Variants in TDRD7 observed in about 807,000 individuals in gnomAD.
TDRD7 encodes the protein tudor domain-containing protein 7.
Under a neutral mutation model 109.8 loss-of-function variants are expected in TDRD7, and 47 were observed. The observed-to-expected ratio is 0.43, with a 90% CI of 0.34 to 0.55. TDRD7 has a LOEUF of 0.55. TDRD7 is among the 20% of genes least tolerant of loss of function. The probability of loss-of-function intolerance (pLI) is 0.03; values close to 1 mark genes in which losing one functional copy is unlikely to be tolerated. For synonymous variants in TDRD7, 424 were observed against 457.3 expected (o/e 0.93, Z 0.93); for missense variants, 1,164 against 1,319.2 (o/e 0.88, Z 1.82).
chr9:97,494,632 C>A (rs541205425), intron 16 of TDRD7, among the ~76,000 whole-genome samples: 1 of 150,864 alleles, frequency 6.6e-6, no homozygotes, highest in Non-Finnish European at 1.5e-5. Flanking sequence ...GCATAATTTA[C>A]AGTTTATGTA....
At chr9:97,428,746 A>G (rs1828050338) in intron 2 of TDRD7, 74 bp downstream of exon 2, 6 of 1,390,984 alleles carry the variant, frequency 4.3e-6, no homozygotes, top group East Asian at 2.3e-5. Context: ...CCAATCTCCT[A>G]CCTGTGATAG....
chr9:97,423,906 A>G (rs924215025), intron 1 of TDRD7, among the ~76,000 whole-genome samples: 2 of 152,114 alleles, frequency 1.3e-5, no homozygotes, highest in Non-Finnish European at 2.9e-5. Flanking sequence ...TTTGAATATC[A>G]TTTTAAGTCC....
chr9:97,416,697 T>C (rs1243558714), intron 1 of TDRD7, among the ~76,000 whole-genome samples: 1 of 152,326 alleles, frequency 6.6e-6, no homozygotes, highest in Admixed American at 6.5e-5. Flanking sequence ...TGCAGATAAT[T>C]TTTTAGTAAC....
At chr9:97,484,917 A>G (rs989885129) in intron 15 of TDRD7, among the ~76,000 whole-genome samples, 1 of 152,222 alleles carries the variant, frequency 6.6e-6, no homozygotes, top group African/African-American at 2.4e-5. Flanking sequence ...GAGAGCTCCA[A>G]TATGAGCCCT....
chr9:97,491,623 T>C (rs1244633719), intron 16 of TDRD7, among the ~76,000 whole-genome samples: 1 of 152,198 alleles, frequency 6.6e-6, no homozygotes, highest in Non-Finnish European at 1.5e-5. Context: ...GACTGGGAAC[T>C]TCACCAGTGC....
intron 6 of TDRD7, among the ~76,000 whole-genome samples, chr9:97,443,312 A>G (rs569251668): frequency 6.6e-6 from 1 of 152,238 alleles, no homozygotes; most frequent in African/African-American, 2.4e-5. Context: ...GATTAGGACA[A>G]TGTGACAAAT....
intron 16 of TDRD7, among the ~76,000 whole-genome samples, 171 bp downstream of exon 16, chr9:97,487,503 TAC>T (rs1829231219): frequency 6.6e-6 from 1 of 152,212 alleles, no homozygotes; most frequent in African/African-American, 2.4e-5. Context: ...AATGATGTCT[TAC>T]AGTCGTGCTC....
In TDRD7 at chr9:97,433,472, G is replaced by C. The variant is rs893974144; in HGVS notation, c.563+1234G>C. On this transcript the variant is annotated intron_variant, in intron 4 of 16. Transcript: ENST00000355295. The stretch of plus-strand genomic sequence containing the variant: ...CAATACATTTTGAATGATTTTTTTG[G>C]ATGTGACCCTAAAAGGACGGGCAAC... Among the ~76,000 whole-genome samples, 6 of 151,816 alleles carry C rather than the reference G, an allele frequency of 4.0e-5. No individual in the cohort carries two copies. In the South Asian group the frequency reaches 1.0e-3, roughly 26 times the overall value.
chr9:97,439,343 A>G (rs751337186), intron 5 of TDRD7, 25 bp downstream of exon 5: 2 of 1,583,780 alleles, frequency 1.3e-6, no homozygotes, highest in African/African-American at 2.7e-5. Context: ...CATTTTTGAG[A>G]TACATATTGG....
At chr9:97,463,645 C>T (rs1388292038) in intron 7 of TDRD7, among the ~76,000 whole-genome samples, 1 of 152,154 alleles carries the variant, frequency 6.6e-6, no homozygotes, top group Admixed American at 6.5e-5. Flanking sequence ...ATGGCTGGGA[C>T]AGCTTCTCTT....
chr9:97,442,417 T>C (rs1828322400), intron 6 of TDRD7, among the ~76,000 whole-genome samples: 1 of 152,150 alleles, frequency 6.6e-6, no homozygotes, highest in South Asian at 2.1e-4. Context: ...GAAAAAAAAT[T>C]TAAAAATGAT....
chr9:97,433,480 C>A, intron 4 of TDRD7, among the ~76,000 whole-genome samples: 1 of 151,224 alleles, frequency 6.6e-6, no homozygotes, highest in Non-Finnish European at 1.5e-5. Flanking sequence ...TGGATGTGAC[C>A]CTAAAAGGAC....
intron 1 of TDRD7, among the ~76,000 whole-genome samples, chr9:97,421,828 T>C (rs1827905865): frequency 6.6e-6 from 1 of 151,934 alleles, no homozygotes; most frequent in Non-Finnish European, 1.5e-5. Flanking sequence ...CCCAAAGTGC[T>C]GAAATTACAG....
At chr9:97,454,549 A>T (rs1050648442) in intron 6 of TDRD7, among the ~76,000 whole-genome samples, 3 of 152,218 alleles carry the variant, frequency 2.0e-5, no homozygotes, top group African/African-American at 7.2e-5. Context: ...AAACCACACA[A>T]TTTCATGGAA....
At chr9:97,432,693 G>A (rs999726768) in intron 4 of TDRD7, among the ~76,000 whole-genome samples, 1 of 152,124 alleles carries the variant, frequency 6.6e-6, no homozygotes, top group African/African-American at 2.4e-5. Context: ...CTTTGTTTGG[G>A]TGCTGCCATT....
chr9:97,419,264 A>G (rs1247654792), intron 1 of TDRD7, among the ~76,000 whole-genome samples: 1 of 152,192 alleles, frequency 6.6e-6, no homozygotes, highest in Non-Finnish European at 1.5e-5. Context: ...GAGCACATAG[A>G]TGGGGAAGGT....
intron 6 of TDRD7, among the ~76,000 whole-genome samples, chr9:97,449,090 C>A (rs1359819656): frequency 2.0e-5 from 3 of 152,140 alleles, no homozygotes; most frequent in Non-Finnish European, 4.4e-5. Context: ...ATGAAGACTT[C>A]TATTTGTCTG....
At chr9:97,435,497 A>G (rs1480575072) in intron 4 of TDRD7, among the ~76,000 whole-genome samples, 1 of 151,260 alleles carries the variant, frequency 6.6e-6, no homozygotes, top group Non-Finnish European at 1.5e-5. Flanking sequence ...TTACCTGGAC[A>G]TGGTGGTGTG....
intron 12 of TDRD7, among the ~76,000 whole-genome samples, chr9:97,476,187 C>T (rs1330060277): frequency 6.6e-6 from 1 of 152,126 alleles, no homozygotes; most frequent in Non-Finnish European, 1.5e-5. Context: ...AGAACTGTGG[C>T]TTCATGGGGC....
Sources: gnomAD v4.1 joint callset for allele counts (sites outside exome capture counted in the v4.1 genomes callset) on GRCh38, gnomAD v4.1.1 for gene constraint, MANE v1.5 for transcripts, NCBI Gene and HGNC (gene_info 2026-07-23, HGNC 2026-07-21) for gene names.